The following ISOC1 variants were observed in gnomAD, a reference collection of about 807,000 sequenced individuals.
ISOC1 encodes isochorismatase domain-containing protein 1.
A neutral mutation model predicts 30.0 loss-of-function variants in ISOC1; 33 were observed. That is an observed-to-expected ratio of 1.10 (90% CI 0.83 to 1.47). The LOEUF (loss-of-function observed/expected upper bound fraction) is 1.47, where lower values mean the gene tolerates loss of function less well. ISOC1 is among the 40% of genes most tolerant of loss of function. ISOC1 has a pLI of 0.00. For missense variants in ISOC1, 372 were observed against 388.0 expected, an observed-to-expected ratio of 0.96 and a Z score of 0.35; for synonymous variants, 178 against 159.8, an observed-to-expected ratio of 1.11 and a Z score of -0.86.
chr5:129,103,288 G>T (rs532906907), intron 1 of ISOC1, among the ~76,000 whole-genome samples: 29 of 152,254 alleles, frequency 1.9e-4, no homozygotes, highest in African/African-American at 6.5e-4. Context: ...ATTTATATTT[G>T]TATATAAGAT....
intron 1 of ISOC1, among the ~76,000 whole-genome samples, chr5:129,096,977 T>C (rs1753510781): frequency 6.6e-6 from 1 of 152,208 alleles, no homozygotes; most frequent in African/African-American, 2.4e-5. Context: ...AAAACGCTTG[T>C]ACATTCTCAA....
intron 1 of ISOC1, among the ~76,000 whole-genome samples, chr5:129,096,795 A>T (rs1363184459): frequency 6.6e-6 from 1 of 152,146 alleles, no homozygotes; most frequent in Non-Finnish European, 1.5e-5. Context: ...ATTTCCTGTT[A>T]CGGCTTGGAG....
intron 4 of ISOC1, among the ~76,000 whole-genome samples, chr5:129,108,389 A>C (rs1171380051): frequency 6.6e-6 from 1 of 152,240 alleles, no homozygotes; most frequent in East Asian, 1.9e-4. Context: ...CTGAGATTAC[A>C]AATAGAAATT....
intron 1 of ISOC1, among the ~76,000 whole-genome samples, chr5:129,098,753 C>T (rs921560913): frequency 1.3e-5 from 2 of 152,042 alleles, no homozygotes; most frequent in Non-Finnish European, 2.9e-5. Flanking sequence ...TGACCTTTTC[C>T]CAAGATGGTT....
chr5:129,110,098 G>A (rs1173179159), intron 4 of ISOC1, among the ~76,000 whole-genome samples: 2 of 152,188 alleles, frequency 1.3e-5, no homozygotes, highest in Non-Finnish European at 2.9e-5. Flanking sequence ...GGGAGTTTTA[G>A]TGTTGCTTGG....
chr5:129,106,709 T>G (rs546453599), intron 3 of ISOC1, among the ~76,000 whole-genome samples: 28 of 152,324 alleles, frequency 1.8e-4, no homozygotes, highest in African/African-American at 5.1e-4. Flanking sequence ...TGTTTAAGGT[T>G]CTTAGTATCA....
Position 129,095,073 on chromosome 5 carries a change from C to A in ISOC1, c.307C>A (p.Gln103Lys). 1 of 1,563,698 alleles carries A rather than the reference C, an allele frequency of 6.4e-7. No homozygotes were observed. Among genetic ancestry groups the A allele is most frequent in the Non-Finnish European group, 8.6e-7 (1 of 1,159,286 alleles). Residue 103 changes from glutamine to lysine, a missense_variant and splice_region_variant, in exon 1 of 5, where the codon CAG becomes AAG. By Grantham distance (53) the Gln-to-Lys change is moderately conservative (BLOSUM62 1). Coordinates refer to ENST00000173527, the MANE Select transcript of ISOC1 (RefSeq NM_016048.2). ...GGTGCGCCTCGTGCCGTTGCAGATC[C>A]AGGTGGGTCCTGCGGGAGGCCGCGC... ...CKVRLVPLQI[Q>K]LTTLGNLTPS...
chr5:129,106,181 T>C (rs1753635759), intron 3 of ISOC1, among the ~76,000 whole-genome samples: 1 of 152,196 alleles, frequency 6.6e-6, no homozygotes, highest in Admixed American at 6.5e-5. Context: ...TTAGACCTTA[T>C]GCTCAATCAC....
At chr5:129,095,164 G>A (rs1342254499) in intron 1 of ISOC1, 89 bp downstream of exon 1, 15 of 1,290,444 alleles carry the variant, frequency 1.2e-5, no homozygotes, top group Non-Finnish European at 1.4e-5. Flanking sequence ...CTCCTCAGGT[G>A]CCCCGAGCCG....
intron 1 of ISOC1, among the ~76,000 whole-genome samples, chr5:129,097,495 A>G (rs1753517616): frequency 6.6e-6 from 1 of 152,124 alleles, no homozygotes; most frequent in Admixed American, 6.5e-5. Context: ...AATCCTAGAG[A>G]CTTGGATGTT....
chr5:129,095,127 C>T lies in ISOC1; in HGVS notation c.309+52C>T, dbSNP rs765841690. ...TCCCTGTTCCCGAGTCGTCCCCGTC[C>T]CCGTCCCTGTCCCCGCCTTCGCCGC... On this transcript the variant is annotated intron_variant, in intron 1 of 4. Transcript: ENST00000173527. 18 of 1,473,170 alleles carry T rather than the reference C, an allele frequency of 1.2e-5. No individual in the cohort carries two copies. The East Asian group carries it at 2.8e-4, about 23-fold the overall frequency. The allele number at this position is 1,473,170 out of a possible 1,614,324, so 91.3% of individuals were successfully genotyped here.
At chr5:129,112,620 A>G (rs1173700246) in intron 4 of ISOC1, among the ~76,000 whole-genome samples, 1 of 151,996 alleles carries the variant, frequency 6.6e-6, no homozygotes, top group Non-Finnish European at 1.5e-5. Context: ...AACTTTGGCT[A>G]CCTGTTCCCT....
At chr5:129,112,291 G>A (rs1753717546) in intron 4 of ISOC1, among the ~76,000 whole-genome samples, 1 of 152,126 alleles carries the variant, frequency 6.6e-6, no homozygotes, top group African/African-American at 2.4e-5. Flanking sequence ...GTATTAATAT[G>A]CATCACGATC....
At position 129,105,407 on chromosome 5, in the gene ISOC1, C is replaced by CT. The variant is rs1753624416; in HGVS notation, c.633+19_633+20insT. On this transcript the variant is annotated intron_variant, in intron 3 of 4. Coordinates refer to ENST00000173527, the MANE Select transcript of ISOC1 (RefSeq NM_016048.2). ...AGTAGAAGTAAGTACCTGTTACTAT[C>CT]ATTTAGGCACAATATTATTTATAGA... 6.4e-7 allele frequency: 1 copy of CT among 1,566,304 alleles called. No homozygotes were observed.
chr5:129,101,019 T>TTTTGTTTGTTTG lies in ISOC1; in HGVS notation c.310-3919_310-3908dup, dbSNP rs5871338. On this transcript the variant is annotated intron_variant, in intron 1 of 4. Transcript: ENST00000173527. The stretch of plus-strand genomic sequence containing the variant: ...TTCCTGTACCCAGATTCCCTATTGT[T>TTTTGTTTGTTTG]TTTGTTTGTTTGTTTGTTTGTTTGT... Among the ~76,000 whole-genome samples, 45 of 144,610 alleles carry TTTTGTTTGTTTG rather than the reference T, an allele frequency of 3.1e-4. No homozygotes were observed. In the South Asian group the frequency reaches 4.0e-3, roughly 13 times the overall value. The allele number at this position is 144,610 out of a possible 152,430, so 94.9% of individuals were successfully genotyped here.
chr5:129,098,607 G>A (rs1753535964), intron 1 of ISOC1, among the ~76,000 whole-genome samples: 1 of 152,164 alleles, frequency 6.6e-6, no homozygotes, highest in African/African-American at 2.4e-5. Flanking sequence ...GAAAGACAGA[G>A]CCTGCAGAGA....
intron 1 of ISOC1, among the ~76,000 whole-genome samples, chr5:129,098,350 T>C (rs561314069): frequency 2.6e-5 from 4 of 152,350 alleles, no homozygotes; most frequent in South Asian, 2.1e-4. Flanking sequence ...GCATAGCTCA[T>C]GTTTCATGCT....
At chr5:129,112,071 T>C (rs187042351) in intron 4 of ISOC1, among the ~76,000 whole-genome samples, 4 of 152,310 alleles carry the variant, frequency 2.6e-5, no homozygotes, top group Admixed American at 6.5e-5. Flanking sequence ...TTGGGTGCAG[T>C]AAAAAGAAAT....
intron 1 of ISOC1, among the ~76,000 whole-genome samples, chr5:129,101,129 C>G (rs1347274528): frequency 7.9e-6 from 1 of 126,892 alleles, no homozygotes; most frequent in East Asian, 2.3e-4. Context: ...ACCTCAGCCT[C>G]CTGAGGAGCT....
Sources: gnomAD v4.1 joint callset for allele counts (sites outside exome capture counted in the v4.1 genomes callset) on GRCh38, gnomAD v4.1.1 for gene constraint, MANE v1.5 for transcripts, NCBI Gene and HGNC (gene_info 2026-07-23, HGNC 2026-07-21) for gene names.